Variants in CSPG4 observed in about 807,000 individuals in gnomAD.
The protein encoded by CSPG4 is chondroitin sulfate proteoglycan 4 (melanoma-associated).
Under a neutral mutation model 139.3 loss-of-function variants are expected in CSPG4, and 74 were observed. The ratio of observed to expected loss-of-function variants is 0.53; its 90% CI spans 0.44 to 0.64. CSPG4 has a LOEUF of 0.64. CSPG4 is among the 30% of genes least tolerant of loss of function. CSPG4 has a pLI of 0.00. For missense variants in CSPG4, 2,565 were observed against 3,148.3 expected, an observed-to-expected ratio of 0.81 and a Z score of 4.43; for synonymous variants, 1,234 against 1,394.2, an observed-to-expected ratio of 0.89 and a Z score of 2.56.
rs1443611056 is a variant in CSPG4, at chr15:75,698,333, G to C, written c.89-5100C>G. On this transcript the variant is annotated intron_variant, in intron 1 of 9. Transcript: ENST00000308508. This position sits in a 1 kb window ranked among gnomAD's most constrained non-coding sequence, Gnocchi z 4.3. ...GTGTGTATGTGGTGGGGCGGGGGGT[G>C]GTCGTGGCCCACCTGGGGGCTGAAT... 1.3e-5 allele frequency among the ~76,000 whole-genome samples: 2 copies of C among 149,154 alleles called. No homozygotes were observed. The highest frequency in any genetic ancestry group is 1.3e-4 in the Admixed American group (2 of 15,066).
chr15:75,674,479 A>T lies in CSPG4; in HGVS notation c.*1071T>A, dbSNP rs1893861387. On this transcript the variant is annotated 3_prime_UTR_variant, in exon 10 of 10. Transcript: ENST00000308508. ...CACAGGAGGTCTGGGAGGCCCCAGG[A>T]GGTGGAAGTTCAGAGGCCTGCCTGG... 2.7e-6 allele frequency: 1 copy of T among 371,526 alleles called. No individual in the cohort carries two copies. The highest frequency in any genetic ancestry group is 4.8e-6 in the Non-Finnish European group (1 of 208,850). The allele number at this position is 371,526 out of a possible 1,614,324, so 23.0% of individuals were successfully genotyped here. A position where few individuals can be genotyped will look rare whatever the true frequency, so the allele number is the denominator to read the frequency against.
chr15:75,712,525 G>C, intron 1 of CSPG4, 143 bp downstream of exon 1: 2 of 760,066 alleles, frequency 2.6e-6, no homozygotes, highest in South Asian at 3.4e-5. Context: ...AACCCCTGGC[G>C]ACCCCAGCTA....
At chr15:75,700,681 T>C (rs1279350378) in intron 1 of CSPG4, among the ~76,000 whole-genome samples, 2 of 152,006 alleles carry the variant, frequency 1.3e-5, no homozygotes, top group Non-Finnish European at 2.9e-5. Flanking sequence ...CATCTCTGAG[T>C]TCCCCTTGGC....
rs772756930 is a variant in CSPG4, at chr15:75,690,226, G to A, written c.839C>T (p.Ala280Val). Residue 280 changes from alanine to valine, a missense_variant, in exon 3 of 10, where the codon GCC becomes GTC. By Grantham distance (64) the Ala-to-Val change is moderately conservative. This residue lies in a region of CSPG4 where 2,316 missense variants were observed against 2,818.2 expected (regional missense o/e 0.82). Transcript: ENST00000308508. ...TVLLHNSVPV[A>V]DGQPHEVSVH... ...ACTGACCTCATGGGGCTGCCCATCG[G>A]CCACAGGCACACTGTTGTGGAGCAA... 8.7e-6 allele frequency: 14 copies of A among 1,613,372 alleles called. No individual in the cohort carries two copies. In the Admixed American group the frequency reaches 2.2e-4, roughly 25 times the overall value.
chr15:75,687,930 G>A lies in CSPG4; in HGVS notation c.3135C>T (p.Ser1045=), dbSNP rs771343810. Residue 1045 remains serine, a synonymous_variant, in exon 3 of 10, where the codon AGC becomes AGT. Transcript: ENST00000308508. The surrounding 1 kb of genome is among the most constrained non-coding windows in gnomAD (Gnocchi z 5.4). ...RLLTTDDVAF[S]DADSGFADAQ... ...CGTCAGCAAAGCCCGAGTCAGCATC[G>A]CTGAAGGCCACGTCGTCTGTAGTCA... 28 of 1,612,938 alleles carry A rather than the reference G, an allele frequency of 1.7e-5. No individual in the cohort carries two copies. The East Asian group carries it at 4.2e-4, about 24-fold the overall frequency.
chr15:75,693,327 T>A, intron 1 of CSPG4, 94 bp from the exon 2 acceptor site: 1 of 1,243,486 alleles, frequency 8.0e-7, no homozygotes, highest in Non-Finnish European at 1.1e-6. Context: ...CAGAAAGGGG[T>A]CCGTGCTGGC....
intron 3 of CSPG4, among the ~76,000 whole-genome samples, chr15:75,686,318 C>T (rs1358241700): frequency 1.3e-5 from 2 of 152,228 alleles, no homozygotes; most frequent in African/African-American, 4.8e-5. Flanking sequence ...CCGTTCAGGC[C>T]TGTGGCTGGT....
At position 75,710,557 on chromosome 15, in the gene CSPG4, C is replaced by G. The variant is rs1290775834; in HGVS notation, c.88+2111G>C. ...TCCTCTCTGGGGCCTCAGTTTCCCTCTCTATACAAGTGGAAGATTGGCCCA... is the reference window on the plus strand; with the variant it reads ...TCCTCTCTGGGGCCTCAGTTTCCCTGTCTATACAAGTGGAAGATTGGCCCA... On this transcript the variant is annotated intron_variant, in intron 1 of 9. Transcript: ENST00000308508. Among the ~76,000 whole-genome samples the G allele has an allele frequency of 3.3e-5, 5 of 152,302 alleles. 1 individual carries two copies. In the South Asian group the frequency reaches 8.3e-4, roughly 25 times the overall value.
intron 1 of CSPG4, among the ~76,000 whole-genome samples, chr15:75,709,747 T>C (rs532053084): frequency 1.8e-4 from 27 of 152,188 alleles, no homozygotes; most frequent in East Asian, 1.7e-3. Context: ...ACACGCACCC[T>C]ACTCCCCTCC....
chr15:75,685,093 G>C, intron 4 of CSPG4, 126 bp downstream of exon 4: 1 of 1,337,982 alleles, frequency 7.5e-7, no homozygotes, highest in Non-Finnish European at 1.0e-6. Context: ...TAAAGCATAG[G>C]TGCTTCTGAA....
chr15:75,708,662 G>A (rs193204953), intron 1 of CSPG4, among the ~76,000 whole-genome samples: 48 of 152,314 alleles, frequency 3.2e-4, no homozygotes, highest in Non-Finnish European at 3.8e-4. Flanking sequence ...AGAACACCAC[G>A]GCCTGTGTGC....
intron 1 of CSPG4, among the ~76,000 whole-genome samples, chr15:75,699,267 C>T (rs1378524384): frequency 3.9e-5 from 6 of 152,186 alleles, no homozygotes; most frequent in African/African-American, 9.7e-5. Flanking sequence ...AGACCTCTGT[C>T]GGGGTCAGGG....
In CSPG4 at chr15:75,693,248, G is replaced by C. The variant is rs1894188690; in HGVS notation, c.89-15C>G. ...GAAGAAGGAAGCTGTGTGAGAGAGGGAGCTGTGGTCAAGGCTCAGACTCTT... is the reference window on the plus strand; with the variant it reads ...GAAGAAGGAAGCTGTGTGAGAGAGGCAGCTGTGGTCAAGGCTCAGACTCTT... On this transcript the variant is annotated splice_polypyrimidine_tract_variant and intron_variant, in intron 1 of 9. Coordinates refer to ENST00000308508, the MANE Select transcript of CSPG4 (RefSeq NM_001897.5). 2 of 1,561,814 alleles carry C rather than the reference G, an allele frequency of 1.3e-6. No homozygotes were observed. The highest frequency in any genetic ancestry group is 8.7e-7 in the Non-Finnish European group (1 of 1,154,070).
intron 3 of CSPG4, among the ~76,000 whole-genome samples, chr15:75,685,928 C>T (rs777380602): frequency 2.0e-5 from 3 of 152,168 alleles, no homozygotes; most frequent in Non-Finnish European, 2.9e-5. Context: ...CACTCTGTCA[C>T]CCAGGCTGGA....
rs993589907 is a variant in CSPG4 at position 75,698,413 on chromosome 15, T to A, written c.89-5180A>T. 6.6e-6 allele frequency among the ~76,000 whole-genome samples: 1 copy of A among 151,732 alleles called. No individual in the cohort carries two copies. The highest frequency in any genetic ancestry group is 1.5e-5 in the Non-Finnish European group (1 of 67,906). On this transcript the variant is annotated intron_variant, in intron 1 of 9. Transcript: ENST00000308508. The surrounding 1 kb of genome is among the most constrained non-coding windows in gnomAD (Gnocchi z 4.3). ...GGTGTGCTTCCCCAGCAGCGGACCC[T>A]CCCTGAGGTCACCTGGCCCTCTAGA...
At chr15:75,711,054 C>G (rs1407894284) in intron 1 of CSPG4, among the ~76,000 whole-genome samples, 1 of 152,044 alleles carries the variant, frequency 6.6e-6, no homozygotes, top group African/African-American at 2.4e-5. Flanking sequence ...AGGCTGCTGG[C>G]CTTCCTGTCT....
chr15:75,700,171 G>A (rs1894282383), intron 1 of CSPG4, among the ~76,000 whole-genome samples: 1 of 152,184 alleles, frequency 6.6e-6, no homozygotes, highest in Non-Finnish European at 1.5e-5. Flanking sequence ...CCAGAGCTAG[G>A]GGCTGTGGGT....
chr15:75,685,617 G>T lies in CSPG4; in HGVS notation c.3874C>A (p.Arg1292Ser), dbSNP rs531406813. Residue 1292 changes from arginine to serine, a missense_variant, in exon 4 of 10, where the codon CGT becomes AGT. By Grantham distance (110) the Arg-to-Ser change is moderately radical. Around this residue, in one of 5 missense-constraint regions of CSPG4, gnomAD observed 2,316 missense variants for 2,818.2 expected, o/e 0.82. Coordinates refer to ENST00000308508, the MANE Select transcript of CSPG4 (RefSeq NM_001897.5). ...GGTGGCTCATCTGCCAAGGCGCCAC[G>T]CGACACCATCACCAGGTAGCCGGCA... is the stretch of plus-strand genomic sequence containing the variant. ...PSAGYLVMVS[R>S]GALADEPPSL... 3.7e-6 allele frequency: 6 copies of T among 1,610,186 alleles called. No individual in the cohort carries two copies. In the South Asian group the frequency reaches 6.6e-5, roughly 18 times the overall value.
At chr15:75,686,310 G>C (rs184225973) in intron 3 of CSPG4, among the ~76,000 whole-genome samples, 38 of 152,196 alleles carry the variant, frequency 2.5e-4, no homozygotes, top group African/African-American at 7.5e-4. Context: ...CTCAGGATCC[G>C]TTCAGGCCTG....
Sources: allele counts gnomAD v4.1 joint callset (sites outside exome capture counted in the v4.1 genomes callset), GRCh38; gene constraint gnomAD v4.1.1; regional missense constraint gnomAD v4.1.1; non-coding constraint Gnocchi (gnomAD v3.1); transcripts MANE v1.5; gene names NCBI Gene and HGNC (gene_info 2026-07-23, HGNC 2026-07-21).